Variants in NALF1 observed in about 807,000 individuals in gnomAD.
NALF1 encodes NALCN channel auxiliary factor 1, also known as family with sequence similarity 155 member A.
A neutral mutation model predicts 48.4 loss-of-function variants in NALF1; 3 were observed. That is an observed-to-expected ratio of 0.06 (90% confidence interval 0.03 to 0.16). The LOEUF is 0.16. NALF1 is among the 10% of genes least tolerant of loss of function. NALF1 has a pLI of 1.00. For synonymous variants in NALF1, 262 were observed against 245.7 expected (o/e 1.07, Z -0.62); for missense variants, 526 against 571.5 (o/e 0.92, Z 0.81).
chr13:107,752,159 C>T (rs1876958720), intron 1 of NALF1, among the ~76,000 whole-genome samples: 1 of 151,896 alleles, frequency 6.6e-6, no homozygotes, highest in South Asian at 2.1e-4. Context: ...AATGATATAT[C>T]CATTACAAAA....
chr13:107,457,315 G>A (rs1187609877), intron 1 of NALF1, among the ~76,000 whole-genome samples: 3 of 152,102 alleles, frequency 2.0e-5, no homozygotes, highest in Admixed American at 1.3e-4. Context: ...AACTACCTCA[G>A]TTTACTGGTG....
intron 1 of NALF1, among the ~76,000 whole-genome samples, chr13:107,542,427 G>A (rs1877023333): frequency 6.6e-6 from 1 of 152,086 alleles, no homozygotes; most frequent in Non-Finnish European, 1.5e-5. Flanking sequence ...GTGATAGTTT[G>A]ACATATCTGT....
At chr13:107,243,347 A>G (rs1880515216) in intron 1 of NALF1, among the ~76,000 whole-genome samples, 1 of 152,184 alleles carries the variant, frequency 6.6e-6, no homozygotes, top group Non-Finnish European at 1.5e-5. Context: ...CCTCAGAGTG[A>G]GCCCCTGCCC....
intron 1 of NALF1, among the ~76,000 whole-genome samples, chr13:107,267,542 T>TA (rs553590961): frequency 6.8e-4 from 104 of 152,074 alleles, no homozygotes; most frequent in African/African-American, 2.0e-3. Context: ...CTGTCTATGC[T>TA]AAAAAAAATG....
chr13:107,851,990 G>T (rs1880332630), intron 1 of NALF1, among the ~76,000 whole-genome samples: 1 of 150,258 alleles, frequency 6.7e-6, no homozygotes, highest in African/African-American at 2.4e-5. Context: ...TTTTAATTTG[G>T]GGGGTGTCAT....
chr13:107,795,029 C>T (rs1878373013), intron 1 of NALF1, among the ~76,000 whole-genome samples: 1 of 151,968 alleles, frequency 6.6e-6, no homozygotes, highest in African/African-American at 2.4e-5. Flanking sequence ...TGTGTATACA[C>T]ATTAATTTCA....
intron 1 of NALF1, among the ~76,000 whole-genome samples, chr13:107,305,788 C>A (rs952871273): frequency 1.1e-4 from 16 of 152,104 alleles, no homozygotes; most frequent in Non-Finnish European, 2.2e-4. Context: ...ACCTAAAATT[C>A]TAGAAAAGGA....
chr13:107,247,790 T>A (rs1880613307), intron 1 of NALF1, among the ~76,000 whole-genome samples: 1 of 152,164 alleles, frequency 6.6e-6, no homozygotes, highest in Non-Finnish European at 1.5e-5. Context: ...GGATTTTGAA[T>A]TCACAGAAGC....
chr13:107,425,954 T>C (rs1287381616), intron 1 of NALF1, among the ~76,000 whole-genome samples: 1 of 152,178 alleles, frequency 6.6e-6, no homozygotes, highest in Non-Finnish European at 1.5e-5. Context: ...ATATTGGATA[T>C]CTCTCTGTAC....
chr13:107,636,604 TCTTA>T (rs1356719853), intron 1 of NALF1, among the ~76,000 whole-genome samples: 2 of 152,274 alleles, frequency 1.3e-5, no homozygotes, highest in African/African-American at 2.4e-5. Flanking sequence ...AACAGATGCT[TCTTA>T]CTTTTTAACT....
intron 1 of NALF1, among the ~76,000 whole-genome samples, chr13:107,469,935 G>A (rs1885072554): frequency 6.6e-6 from 1 of 151,020 alleles, no homozygotes; most frequent in South Asian, 2.1e-4. Flanking sequence ...AGTAGAGACG[G>A]GGTTTCACCG....
intron 1 of NALF1, among the ~76,000 whole-genome samples, chr13:107,430,195 G>A (rs1884352095): frequency 6.6e-6 from 1 of 151,972 alleles, no homozygotes; most frequent in Non-Finnish European, 1.5e-5. Context: ...GCAAGCGGTT[G>A]GAATATAATA....
At chr13:107,630,877 G>A (rs968149341) in intron 1 of NALF1, among the ~76,000 whole-genome samples, 18 of 152,142 alleles carry the variant, frequency 1.2e-4, no homozygotes, top group Admixed American at 1.2e-3. Flanking sequence ...AGCTACCTAG[G>A]TAACTGAACT....
chr13:107,185,249 T>C (rs1005931965), intron 2 of NALF1, among the ~76,000 whole-genome samples: 2 of 152,288 alleles, frequency 1.3e-5, no homozygotes, highest in African/African-American at 2.4e-5. Context: ...AGAAAATACA[T>C]GTCTACTTGG....
intron 1 of NALF1, among the ~76,000 whole-genome samples, chr13:107,468,040 T>C (rs1300881024): frequency 1.6e-5 from 2 of 127,864 alleles, no homozygotes; most frequent in Non-Finnish European, 3.1e-5. Context: ...AGAGCGAGAC[T>C]CCGTCTCAAA....
intron 1 of NALF1, among the ~76,000 whole-genome samples, chr13:107,752,219 G>C (rs1246518571): frequency 6.6e-6 from 1 of 151,962 alleles, no homozygotes; most frequent in African/African-American, 2.4e-5. Context: ...CCAATTCATT[G>C]AATTTTCTGT....
At chr13:107,727,835 A>G (rs1189871331) in intron 1 of NALF1, among the ~76,000 whole-genome samples, 1 of 152,220 alleles carries the variant, frequency 6.6e-6, no homozygotes, top group Non-Finnish European at 1.5e-5. Flanking sequence ...ATTTACAAGA[A>G]AAAAACAAAC....
chr13:107,292,198 C>T (rs974382234), intron 1 of NALF1, among the ~76,000 whole-genome samples: 1 of 151,938 alleles, frequency 6.6e-6, no homozygotes, highest in African/African-American at 2.4e-5. Flanking sequence ...ATTTGTGTAT[C>T]TAAACATAGA....
chr13:107,452,559 G>T (rs74348971), intron 1 of NALF1, among the ~76,000 whole-genome samples: 5,734 of 152,124 alleles, frequency 0.038, 211 homozygotes, highest in African/African-American at 0.092. Context: ...GTCTCTACCT[G>T]GACATGTGAG....
Sources: allele counts gnomAD v4.1 joint callset (sites outside exome capture counted in the v4.1 genomes callset), GRCh38; gene constraint gnomAD v4.1.1; transcripts MANE v1.5; gene names NCBI Gene and HGNC (gene_info 2026-07-23, HGNC 2026-07-21).